Variants in PPP2R2B observed in about 807,000 individuals in gnomAD.
PPP2R2B encodes the protein serine/threonine-protein phosphatase 2A 55 kDa regulatory subunit B beta isoform.
PPP2R2B carries 5 observed loss-of-function variants against 46.0 expected under a neutral mutation model. The observed-to-expected ratio is 0.11, with a 90% CI of 0.06 to 0.23. The LOEUF (loss-of-function observed/expected upper bound fraction) is 0.23. PPP2R2B is among the 10% of genes least tolerant of loss of function. PPP2R2B has a pLI of 1.00. For synonymous variants in PPP2R2B, 215 were observed against 206.7 expected, an observed-to-expected ratio of 1.04 and a Z score of -0.34; for missense variants, 367 against 575.0, an observed-to-expected ratio of 0.64 and a Z score of 3.70.
At chr5:146,829,355 G>A (rs748659383) in intron 2 of PPP2R2B, among the ~76,000 whole-genome samples, 2 of 152,192 alleles carry the variant, frequency 1.3e-5, no homozygotes, top group Non-Finnish European at 2.9e-5. Flanking sequence ...CCAAAGAAAT[G>A]TGGGTTATAT....
chr5:146,846,968 A>T (rs1760048823), intron 2 of PPP2R2B, among the ~76,000 whole-genome samples: 1 of 152,254 alleles, frequency 6.6e-6, no homozygotes, highest in Non-Finnish European at 1.5e-5. Context: ...AGATCTTAGA[A>T]CATTGTTCAA....
In PPP2R2B at chr5:146,872,159, T is replaced by C. The variant is rs117226427; in HGVS notation, c.70+5843A>G. On this transcript the variant is annotated intron_variant, in intron 2 of 9. Coordinates refer to ENST00000394411, the MANE Select transcript of PPP2R2B (RefSeq NM_181675.4). Reference sequence around the variant, plus strand: ...ATTCACCCCAGGATCATTGGTACATTTCTGACCAGCACTCATAAAGGGCTT... The same window carrying C: ...ATTCACCCCAGGATCATTGGTACATCTCTGACCAGCACTCATAAAGGGCTT... Among the ~76,000 whole-genome samples, 89 of 152,288 alleles carry C rather than the reference T, an allele frequency of 5.8e-4. 2 individuals carry two copies. The East Asian group carries it at 0.014, about 24-fold the overall frequency.
intron 9 of PPP2R2B, chr5:146,592,278 A>G: frequency 3.8e-6 from 1 of 262,156 alleles, no homozygotes. Context: ...GTTCATATTC[A>G]CTGAAAGCTT....
chr5:146,868,149 C>T (rs1561973169), intron 2 of PPP2R2B, among the ~76,000 whole-genome samples: 1 of 152,228 alleles, frequency 6.6e-6, no homozygotes, highest in Non-Finnish European at 1.5e-5. Flanking sequence ...TTCACTCCAG[C>T]CCAGGACTGT....
intron 1 of PPP2R2B, among the ~76,000 whole-genome samples, chr5:146,985,017 C>CTTTTTTTTTTTTTTT (rs34277498): frequency 1.0e-5 from 1 of 99,492 alleles, no homozygotes; most frequent in Non-Finnish European, 2.0e-5. Context: ...TTTTCTTTTT[C>CTTTTTTTTTTTTTTT]TTTTTTTTTT....
At chr5:146,895,916 C>A (rs150223941) in intron 1 of PPP2R2B, among the ~76,000 whole-genome samples, 2 of 152,076 alleles carry the variant, frequency 1.3e-5, no homozygotes, top group Admixed American at 6.6e-5. Context: ...TATGTCCTGT[C>A]ACAGACCAGT....
At position 146,981,317 on chromosome 5, in the gene PPP2R2B, G is replaced by A. The variant is rs181294858; in HGVS notation, c.79+74348C>T. Reference sequence around the variant, plus strand: ...ATTTTCTTAGTCCTCACAACTAGAAGTTTCTATTTTGTTTTTACTCTTCAA... The same window carrying A: ...ATTTTCTTAGTCCTCACAACTAGAAATTTCTATTTTGTTTTTACTCTTCAA... On this transcript the variant is annotated intron_variant, in intron 1 of 8. Coordinates refer to the PPP2R2B transcript ENST00000336640. Among the ~76,000 whole-genome samples the A allele has an allele frequency of 8.0e-4, 121 of 152,162 alleles. 1 individual carries two copies. The East Asian group carries it at 0.02, about 25-fold the overall frequency.
upstream of PPP2R2B, among the ~76,000 whole-genome samples, chr5:146,883,617 C>A (rs891277616): frequency 3.3e-5 from 5 of 152,176 alleles, no homozygotes; most frequent in Non-Finnish European, 7.3e-5. Context: ...ATTGTGGAAT[C>A]ATATGGAATT....
At chr5:146,966,021 T>C (rs1047822670) in intron 1 of PPP2R2B, among the ~76,000 whole-genome samples, 1 of 152,190 alleles carries the variant, frequency 6.6e-6, no homozygotes, top group African/African-American at 2.4e-5. Flanking sequence ...TGGTCGGTTA[T>C]GGCAATTAAA....
intron 1 of PPP2R2B, among the ~76,000 whole-genome samples, chr5:146,927,442 C>T (rs910691210): frequency 9.2e-5 from 14 of 152,136 alleles, no homozygotes; most frequent in Non-Finnish European, 1.3e-4. Flanking sequence ...TTATATAGTA[C>T]TATTGATATA....
intron 1 of PPP2R2B, among the ~76,000 whole-genome samples, chr5:146,892,560 C>A (rs1010020327): frequency 3.9e-5 from 6 of 152,104 alleles, no homozygotes; most frequent in African/African-American, 1.4e-4. Context: ...GATCATCAGG[C>A]CTTCAGTCTT....
chr5:146,796,860 A>G (rs964602350), intron 2 of PPP2R2B, among the ~76,000 whole-genome samples: 1 of 152,172 alleles, frequency 6.6e-6, no homozygotes, highest in Non-Finnish European at 1.5e-5. Flanking sequence ...GATTATTGCT[A>G]CTAATTAAGG....
At chr5:147,027,608 C>T (rs1411394912) in intron 1 of PPP2R2B, among the ~76,000 whole-genome samples, 1 of 143,338 alleles carries the variant, frequency 7.0e-6, no homozygotes, top group Non-Finnish European at 1.5e-5. Flanking sequence ...ACCCCTCCAG[C>T]CTGGCAACAA....
chr5:146,866,475 AAT>A (rs1761315474), intron 2 of PPP2R2B, among the ~76,000 whole-genome samples: 1 of 152,176 alleles, frequency 6.6e-6, no homozygotes, highest in Non-Finnish European at 1.5e-5. Flanking sequence ...ATAAGTGTGT[AAT>A]GAGTGCTTTT....
intron 2 of PPP2R2B, among the ~76,000 whole-genome samples, chr5:147,064,173 C>G (rs1045917171): frequency 6.6e-6 from 1 of 152,196 alleles, no homozygotes; most frequent in Non-Finnish European, 1.5e-5. Context: ...ATCAGTTCCT[C>G]TACATCTGGA....
intron 2 of PPP2R2B, among the ~76,000 whole-genome samples, chr5:146,842,289 G>A (rs1759698779): frequency 2.0e-5 from 3 of 151,944 alleles, no homozygotes; most frequent in South Asian, 2.1e-4. Flanking sequence ...AATTCTCCCC[G>A]CTATGGAGAG....
chr5:146,601,856 G>T (rs1050273541), intron 7 of PPP2R2B, among the ~76,000 whole-genome samples: 1 of 152,118 alleles, frequency 6.6e-6, no homozygotes, highest in African/African-American at 2.4e-5. Context: ...TTGTCTATTT[G>T]CACTGATATC....
At chr5:146,997,544 C>A (rs972520634) in intron 1 of PPP2R2B, among the ~76,000 whole-genome samples, 2 of 152,118 alleles carry the variant, frequency 1.3e-5, no homozygotes, top group African/African-American at 4.8e-5. Context: ...GGGGATGGGG[C>A]CCAGCACTTC....
At chr5:146,928,434 TATTA>T (rs1236644037) in intron 1 of PPP2R2B, among the ~76,000 whole-genome samples, 2 of 152,054 alleles carry the variant, frequency 1.3e-5, no homozygotes, top group Non-Finnish European at 2.9e-5. Flanking sequence ...TCTTGATTGA[TATTA>T]ATTTATCTGC....
Sources: gnomAD v4.1 joint callset for allele counts (sites outside exome capture counted in the v4.1 genomes callset) on GRCh38, gnomAD v4.1.1 for gene constraint, MANE v1.5 for transcripts, NCBI Gene and HGNC (gene_info 2026-07-23, HGNC 2026-07-21) for gene names.